The following TMEM50B variants were observed in gnomAD, a reference collection of about 807,000 sequenced individuals.
TMEM50B encodes HCV p7-trans-regulated protein 3.
A neutral mutation model predicts 23.4 loss-of-function variants in TMEM50B; 14 were observed. The ratio of observed to expected loss-of-function variants is 0.60; its 90% CI spans 0.39 to 0.93. The LOEUF (loss-of-function observed/expected upper bound fraction) is 0.93, where lower values mean the gene tolerates loss of function less well. TMEM50B is among the 40% of genes least tolerant of loss of function. TMEM50B has a pLI of 0.00. For synonymous variants in TMEM50B, 64 were observed against 62.3 expected (o/e 1.03, Z -0.13); for missense variants, 159 against 193.0 (o/e 0.82, Z 1.04).
intron 8 of TMEM50B, among the ~76,000 whole-genome samples, chr21:33,436,370 A>T (rs1379129135): frequency 6.6e-6 from 1 of 152,054 alleles, no homozygotes; most frequent in Non-Finnish European, 1.5e-5. Context: ...AAAGAAAAAT[A>T]AGTTATGTCA....
intron 5 of TMEM50B, 122 bp downstream of exon 5, chr21:33,460,291 A>G (rs1444766117): frequency 5.7e-6 from 4 of 706,086 alleles, no homozygotes; most frequent in Non-Finnish European, 7.7e-6. Flanking sequence ...GTATCTTCAC[A>G]CAGAGCAGTA....
chr21:33,475,797 A>G (rs983718577), intron 1 of TMEM50B, among the ~76,000 whole-genome samples: 8 of 152,116 alleles, frequency 5.3e-5, no homozygotes, highest in Admixed American at 1.3e-4. Flanking sequence ...TAATAAAAAT[A>G]CAAAAAATCA....
At chr21:33,476,346 GCACTC>G (rs1258865511) in intron 1 of TMEM50B, among the ~76,000 whole-genome samples, 1 of 152,132 alleles carries the variant, frequency 6.6e-6, no homozygotes, top group East Asian at 1.9e-4. Context: ...TCACGCCATT[GCACTC>G]CAGCTTGGGC....
At chr21:33,445,250 G>A (rs1323315153), downstream of TMEM50B, among the ~76,000 whole-genome samples, 1 of 152,160 alleles carries the variant, frequency 6.6e-6, no homozygotes, top group Admixed American at 6.5e-5. Context: ...ATCCATGAGG[G>A]TCTAGGCAGC....
At chr21:33,456,185 G>GT (rs1242704413) in intron 5 of TMEM50B, 2 of 450,374 alleles carry the variant, frequency 4.4e-6, no homozygotes, top group African/African-American at 2.1e-5. Context: ...AATTCAAGAG[G>GT]TTTTTTGTGT....
At chr21:33,432,641 G>A in exon 9 of TMEM50B, 3 of 1,519,654 alleles carry the variant, frequency 2.0e-6, no homozygotes, top group South Asian at 2.2e-5. Context: ...TAAGCAGCAT[G>A]GATGGAACAT....
chr21:33,471,435 C>T (rs2084314598), intron 1 of TMEM50B, among the ~76,000 whole-genome samples: 1 of 152,032 alleles, frequency 6.6e-6, no homozygotes. Flanking sequence ...AAATAAATCC[C>T]AAAATGACTC....
In TMEM50B at chr21:33,450,859, G is replaced by C. The variant is rs201130595; in HGVS notation, c.436C>G (p.Leu146Val). 3 of 1,612,938 alleles carry C rather than the reference G, an allele frequency of 1.9e-6. No homozygotes were observed. Among genetic ancestry groups the C allele is most frequent in the South Asian group, 2.2e-5 (2 of 90,984 alleles). ...TCGGTTCTTCCAAATTTGTAGATCA[G>C]AGTGCTAGAAAGATAGGAAAACAAA... ...FQNALIFFSTLIYKFGRTEEL... is the reference protein window; with the variant it reads ...FQNALIFFSTVIYKFGRTEEL... Residue 146 changes from leucine to valine, a missense_variant, in exon 7 of 7, where the codon CTG becomes GTG. Leu to Val is a conservative substitution (Grantham distance 32). Coordinates refer to ENST00000542230, the MANE Select transcript of TMEM50B (RefSeq NM_006134.7).
rs1317924083 is a variant in TMEM50B at position 33,450,586 on chromosome 21, A to C, written c.*232T>G. 6 of 392,764 alleles carry C rather than the reference A, an allele frequency of 1.5e-5. No individual in the cohort carries two copies. In the East Asian group the frequency reaches 2.3e-4, roughly 15 times the overall value. The allele number at this position is 392,764 out of a possible 1,614,324, so 24.3% of individuals were successfully genotyped here. A position where few individuals can be genotyped will look rare whatever the true frequency, so the allele number is the denominator to read the frequency against. Reference sequence around the variant, plus strand: ...AAGTTCTAAATCTCAGGAATAAAAAACTGATACTCATTATCCAATTCATAT... The same window carrying C: ...AAGTTCTAAATCTCAGGAATAAAAACCTGATACTCATTATCCAATTCATAT... On this transcript the variant is annotated 3_prime_UTR_variant, in exon 7 of 7. Coordinates refer to ENST00000542230, the MANE Select transcript of TMEM50B (RefSeq NM_006134.7).
chr21:33,441,159 G>A (rs1483774574), intron 7 of TMEM50B, among the ~76,000 whole-genome samples: 1 of 151,924 alleles, frequency 6.6e-6, no homozygotes, highest in Non-Finnish European at 1.5e-5. Flanking sequence ...GAACCCACAA[G>A]GTGGAAGTTG....
At chr21:33,438,855 G>A (rs540888838) in intron 8 of TMEM50B, among the ~76,000 whole-genome samples, 6 of 151,530 alleles carry the variant, frequency 4.0e-5, no homozygotes, top group South Asian at 2.1e-4. Context: ...TCAGCCTCCC[G>A]AATAGCTGGG....
intron 4 of TMEM50B, among the ~76,000 whole-genome samples, chr21:33,462,839 C>G (rs1198081949): frequency 6.6e-6 from 1 of 152,284 alleles, no homozygotes; most frequent in Non-Finnish European, 1.5e-5. Flanking sequence ...GGCTGACATA[C>G]AGGATATGAT....
intron 4 of TMEM50B, 121 bp from the exon 5 acceptor site, chr21:33,460,626 A>G (rs2084209073): frequency 2.3e-6 from 1 of 438,014 alleles, no homozygotes; most frequent in Admixed American, 4.1e-5. Flanking sequence ...AGATAGTCAT[A>G]TATTTATATA....
chr21:33,458,916 T>C (rs977010597), intron 5 of TMEM50B, among the ~76,000 whole-genome samples: 2 of 152,238 alleles, frequency 1.3e-5, no homozygotes, highest in East Asian at 1.9e-4. Flanking sequence ...ACTTATTTTG[T>C]ATCAAGTGAA....
At chr21:33,443,914 G>T (rs2084030322) in intron 7 of TMEM50B, among the ~76,000 whole-genome samples, 1 of 151,932 alleles carries the variant, frequency 6.6e-6, no homozygotes, top group Non-Finnish European at 1.5e-5. Flanking sequence ...TTGTTTGTTT[G>T]TTTTTTTACA....
At chr21:33,460,586 T>A in intron 4 of TMEM50B, 81 bp from the exon 5 acceptor site, 7 of 736,578 alleles carry the variant, frequency 9.5e-6, no homozygotes, top group Non-Finnish European at 1.4e-5. Context: ...CTAGGAGCCC[T>A]GTTAGCCTAG....
At chr21:33,445,321 T>C (rs1364062140), downstream of TMEM50B, among the ~76,000 whole-genome samples, 1 of 152,238 alleles carries the variant, frequency 6.6e-6, no homozygotes, top group Non-Finnish European at 1.5e-5. Flanking sequence ...GCTGAAAGAA[T>C]TGAAGAGGCA....
chr21:33,476,008 AAGG>A (rs1216847903), intron 1 of TMEM50B, among the ~76,000 whole-genome samples: 5 of 152,204 alleles, frequency 3.3e-5, no homozygotes, highest in South Asian at 2.1e-4. Context: ...ATATAACCTT[AAGG>A]TCAACACCAC....
chr21:33,454,045 T>C (rs546560242), intron 6 of TMEM50B, among the ~76,000 whole-genome samples: 4 of 148,544 alleles, frequency 2.7e-5, no homozygotes, highest in Middle Eastern at 3.5e-3. Flanking sequence ...AGAGGTTGCA[T>C]TGAGCTGAGA....
Sources: allele counts gnomAD v4.1 joint callset (sites outside exome capture counted in the v4.1 genomes callset), GRCh38; gene constraint gnomAD v4.1.1; transcripts MANE v1.5; gene names NCBI Gene and HGNC (gene_info 2026-07-23, HGNC 2026-07-21).